Variants in RDX observed in about 807,000 individuals in gnomAD.
The protein encoded by RDX is deafness, autosomal recessive 24.
A neutral mutation model predicts 83.7 loss-of-function variants in RDX; 32 were observed. That is an observed-to-expected ratio of 0.38 (90% CI 0.29 to 0.51). The LOEUF is 0.51. RDX is among the 20% of genes least tolerant of loss of function. The pLI is 0.87. For synonymous variants in RDX, 229 were observed against 222.7 expected (o/e 1.03, Z -0.25); for missense variants, 600 against 689.9 (o/e 0.87, Z 1.46).
At chr11:110,209,670 G>C (rs928273913) in intron 14 of RDX, among the ~76,000 whole-genome samples, 25 of 147,476 alleles carry the variant, frequency 1.7e-4, no homozygotes, top group African/African-American at 5.9e-4. Context: ...CCTCAAGTGG[G>C]TCCCTGACCC....
chr11:110,260,734 G>C (rs1164132453), intron 5 of RDX, among the ~76,000 whole-genome samples: 2 of 152,160 alleles, frequency 1.3e-5, no homozygotes, highest in Non-Finnish European at 2.9e-5. Flanking sequence ...TCAAGTCCCT[G>C]ATATAAAATG....
At chr11:110,204,465 T>C (rs143638069) in intron 14 of RDX, among the ~76,000 whole-genome samples, 28 of 151,588 alleles carry the variant, frequency 1.8e-4, no homozygotes, top group African/African-American at 6.5e-4. Context: ...TGATTAGGAA[T>C]GCTTAATATT....
At chr11:110,291,035 T>C (rs895342394) in intron 1 of RDX, among the ~76,000 whole-genome samples, 3 of 152,126 alleles carry the variant, frequency 2.0e-5, no homozygotes, top group Admixed American at 6.5e-5. Context: ...AGACATGTAA[T>C]ATAGATGAAT....
At chr11:110,262,092 C>G (rs1240299275) in intron 5 of RDX, among the ~76,000 whole-genome samples, 2 of 151,990 alleles carry the variant, frequency 1.3e-5, no homozygotes, top group Non-Finnish European at 2.9e-5. Flanking sequence ...GAAATTCCAC[C>G]ATAATAGTCT....
At chr11:110,272,898 T>C (rs1275551971) in intron 2 of RDX, 5 of 486,180 alleles carry the variant, frequency 1.0e-5, no homozygotes, top group Non-Finnish European at 2.0e-5. Flanking sequence ...CGCAAAGAGT[T>C]TCCATTATTC....
At chr11:110,215,049 A>ATAT (rs1555033357) in intron 14 of RDX, among the ~76,000 whole-genome samples, 14 of 97,232 alleles carry the variant, frequency 1.4e-4, no homozygotes, top group Admixed American at 5.4e-4. Flanking sequence ...AAAAAAAAAA[A>ATAT]ATATATATAT....
intron 15 of RDX, among the ~76,000 whole-genome samples, chr11:110,196,908 T>G (rs1863226806): frequency 6.6e-6 from 1 of 152,176 alleles, no homozygotes; most frequent in Non-Finnish European, 1.5e-5. Flanking sequence ...CATGGCTTAT[T>G]TTATTTTTGA....
In RDX at chr11:110,241,446, G is replaced by C. The variant is rs186111163; in HGVS notation, c.1091-3794C>G. Among the ~76,000 whole-genome samples the C allele has an allele frequency of 3.2e-3, 490 of 152,186 alleles. 3 individuals are homozygous for C. The highest frequency in any genetic ancestry group is 3.5e-3 in the Admixed American group (54 of 15,284). ...GGAGTAGCTGGGATTACAGACGTGT[G>C]TCACCACACCCAGCTAATTTTTTTA... is the stretch of plus-strand genomic sequence containing the variant. On this transcript the variant is annotated intron_variant, in intron 10 of 13. Transcript: ENST00000645495.
intron 5 of RDX, among the ~76,000 whole-genome samples, chr11:110,260,527 C>T (rs551473971): frequency 1.2e-4 from 18 of 152,278 alleles, no homozygotes; most frequent in African/African-American, 4.1e-4. Flanking sequence ...CTGCAACCTC[C>T]GCCTCCCGGG....
intron 1 of RDX, among the ~76,000 whole-genome samples, chr11:110,293,378 T>C (rs746994335): frequency 1.3e-5 from 2 of 152,118 alleles, no homozygotes; most frequent in Non-Finnish European, 2.9e-5. Flanking sequence ...ATATATCACT[T>C]TTATAGTTTT....
Position 110,230,611 on chromosome 11 carries a change from GTCTCTCTCTCAT to G in RDX, c.*1246_*1257del, listed in dbSNP as rs1864595790. 1 of 117,652 alleles carries G rather than the reference GTCTCTCTCTCAT, an allele frequency of 8.5e-6. No individual in the cohort carries two copies. The highest frequency in any genetic ancestry group is 1.9e-5 in the Non-Finnish European group (1 of 51,568). 7.3% of individuals were successfully genotyped at this position (117,652 alleles called of 1,614,324 possible). On this transcript the variant is annotated 3_prime_UTR_variant, in exon 14 of 14. Coordinates refer to ENST00000645495, the MANE Select transcript of RDX (RefSeq NM_002906.4). ...ACACACACACACACACACACACACA[GTCTCTCTCTCAT>G]TCTCTCTCTCTCTTGCTCAGCCATA...
At position 110,253,355 on chromosome 11, in the gene RDX, T is replaced by A. The variant is rs145708333; in HGVS notation, c.959+591A>T. ...GTAAAGCACAAAGTTGAAATTAATC[T>A]AAAACCAGATTTGGAAATTAATGTC... On this transcript the variant is annotated intron_variant, in intron 9 of 13. Coordinates refer to ENST00000645495, the MANE Select transcript of RDX (RefSeq NM_002906.4). Among the ~76,000 whole-genome samples, 20 of 152,320 alleles carry A rather than the reference T, an allele frequency of 1.3e-4. 1 individual carries two copies. The East Asian group carries it at 3.9e-3, about 29-fold the overall frequency.
At chr11:110,267,537 C>CAT (rs1344604824) in intron 3 of RDX, among the ~76,000 whole-genome samples, 5 of 150,630 alleles carry the variant, frequency 3.3e-5, no homozygotes, top group Non-Finnish European at 7.4e-5. Context: ...CACACACACA[C>CAT]ACACACACAC....
intron 14 of RDX, among the ~76,000 whole-genome samples, chr11:110,219,927 C>T (rs975287960): frequency 3.9e-5 from 6 of 152,108 alleles, no homozygotes; most frequent in African/African-American, 1.2e-4. Context: ...CTAAGAGATC[C>T]AAATGTAGAC....
intron 5 of RDX, among the ~76,000 whole-genome samples, chr11:110,263,073 G>C (rs559428798): frequency 6.6e-6 from 1 of 152,030 alleles, no homozygotes; most frequent in East Asian, 1.9e-4. Context: ...TCAGGAGTTC[G>C]AGACCAGCCT....
intron 1 of RDX, among the ~76,000 whole-genome samples, chr11:110,290,718 A>G (rs1861208361): frequency 6.6e-6 from 1 of 152,206 alleles, no homozygotes; most frequent in South Asian, 2.1e-4. Flanking sequence ...GTAAGTAAAC[A>G]TTATAAGCTT....
intron 1 of RDX, among the ~76,000 whole-genome samples, chr11:110,282,773 GT>G (rs1860815268): frequency 6.6e-6 from 1 of 152,194 alleles, no homozygotes; most frequent in Admixed American, 6.5e-5. Flanking sequence ...GAGGGCAGGA[GT>G]TCAAGACCAG....
intron 15 of RDX, among the ~76,000 whole-genome samples, chr11:110,177,337 G>A (rs537408171): frequency 4.5e-4 from 69 of 152,304 alleles, no homozygotes; most frequent in African/African-American, 1.6e-3. Context: ...ACTTTGAGCA[G>A]GTCCTTAATC....
chr11:110,241,427 G>A (rs2134324005), intron 10 of RDX, among the ~76,000 whole-genome samples: 1 of 152,228 alleles, frequency 6.6e-6, no homozygotes, highest in South Asian at 2.1e-4. Flanking sequence ...CTCCGGAGTA[G>A]CTGGGATTAC....
Sources: gnomAD v4.1 joint callset for allele counts (sites outside exome capture counted in the v4.1 genomes callset) on GRCh38, gnomAD v4.1.1 for gene constraint, MANE v1.5 for transcripts, NCBI Gene and HGNC (gene_info 2026-07-23, HGNC 2026-07-21) for gene names.